The following COL24A1 variants were observed in gnomAD, a reference collection of about 807,000 sequenced individuals.
COL24A1 encodes the protein collagen alpha-1(XXIV) chain.
A neutral mutation model predicts 253.9 loss-of-function variants in COL24A1; 224 were observed. That is an observed-to-expected ratio of 0.88 (90% CI 0.79 to 0.99). The LOEUF is 0.99. COL24A1 is among the 50% of genes least tolerant of loss of function. COL24A1 has a pLI of 0.00. For missense variants in COL24A1, 2,131 were observed against 2,068.5 expected, an observed-to-expected ratio of 1.03 and a Z score of -0.59; for synonymous variants, 685 against 673.7, an observed-to-expected ratio of 1.02 and a Z score of -0.26.
chr1:86,134,331 T>C (rs576781326), intron 2 of COL24A1, among the ~76,000 whole-genome samples: 1 of 152,198 alleles, frequency 6.6e-6, no homozygotes, highest in Non-Finnish European at 1.5e-5. Flanking sequence ...TTGAAGGTTT[T>C]TTGTGTCTCC....
intron 57 of COL24A1, among the ~76,000 whole-genome samples, chr1:85,743,784 T>C (rs1041571122): frequency 2.6e-5 from 4 of 152,174 alleles, no homozygotes; most frequent in African/African-American, 9.6e-5. Flanking sequence ...TATATTAATC[T>C]AGGGCAGAAA....
At chr1:85,731,297 T>C (rs1450230173) in intron 59 of COL24A1, among the ~76,000 whole-genome samples, 1 of 152,164 alleles carries the variant, frequency 6.6e-6, no homozygotes, top group Admixed American at 6.6e-5. Context: ...GTGATTAAGA[T>C]TCAACCAGAC....
intron 43 of COL24A1, among the ~76,000 whole-genome samples, chr1:85,837,104 T>C (rs566555012): frequency 6.6e-6 from 1 of 152,342 alleles, no homozygotes; most frequent in African/African-American, 2.4e-5. Flanking sequence ...TCTCAAATTA[T>C]GCTGGAAGCA....
Position 85,861,605 on chromosome 1 carries a change from T to A in COL24A1, c.3300+6914A>T, listed in dbSNP as rs116550332. 2.4e-3 allele frequency among the ~76,000 whole-genome samples: 366 copies of A among 152,338 alleles called. 4 individuals carry two copies. Among genetic ancestry groups the A allele is most frequent in the African/African-American group, 8.5e-3 (354 of 41,580 alleles). ...AAGGGTTCAACTTTATTCTTTTGCATGTGGTTATCCAGTTGTTCCAGCACT... is the reference window on the plus strand; with the variant it reads ...AAGGGTTCAACTTTATTCTTTTGCAAGTGGTTATCCAGTTGTTCCAGCACT... On this transcript the variant is annotated intron_variant, in intron 37 of 59. Transcript: ENST00000370571.
At chr1:86,147,295 C>T (rs1474326600) in intron 1 of COL24A1, among the ~76,000 whole-genome samples, 4 of 152,260 alleles carry the variant, frequency 2.6e-5, no homozygotes, top group Admixed American at 1.3e-4. Context: ...TATAATTCGA[C>T]TATTTATAAT....
chr1:85,943,926 A>AT (rs1202758872), intron 24 of COL24A1, among the ~76,000 whole-genome samples: 2 of 152,172 alleles, frequency 1.3e-5, no homozygotes, highest in Non-Finnish European at 2.9e-5. Flanking sequence ...CATTTTACGC[A>AT]TTTTTTTGCA....
intron 16 of COL24A1, 93 bp from the exon 17 acceptor site, chr1:86,022,684 T>G: frequency 7.2e-7 from 1 of 1,389,052 alleles, no homozygotes; most frequent in South Asian, 1.4e-5. Context: ...GAATAATTTC[T>G]CTATTTTTCT....
intron 43 of COL24A1, among the ~76,000 whole-genome samples, chr1:85,829,870 T>A (rs930582122): frequency 2.0e-5 from 3 of 152,066 alleles, no homozygotes; most frequent in Admixed American, 1.3e-4. Flanking sequence ...TGGTTTGAAT[T>A]TCCTCCCATA....
chr1:85,964,566 T>C (rs1211184288), intron 23 of COL24A1, among the ~76,000 whole-genome samples: 4 of 152,116 alleles, frequency 2.6e-5, no homozygotes, highest in South Asian at 2.1e-4. Flanking sequence ...TAGATATAGA[T>C]ACAGATACAG....
intron 20 of COL24A1, among the ~76,000 whole-genome samples, chr1:85,973,262 C>T (rs940716687): frequency 6.6e-5 from 10 of 152,094 alleles, no homozygotes; most frequent in African/African-American, 2.2e-4. Context: ...GCTCAATTAA[C>T]AGCACAATAT....
At chr1:86,098,413 T>G (rs1383804082) in intron 5 of COL24A1, among the ~76,000 whole-genome samples, 1 of 27,344 alleles carries the variant, frequency 3.7e-5, no homozygotes, top group African/African-American at 6.3e-5. Context: ...GGATATAGAT[T>G]TTTCATCCTT....
rs1378654249 is a variant in COL24A1 at position 86,124,871 on chromosome 1, C to T, written c.1465G>A (p.Gly489Arg). The change falls in exon 3 of 60, where the codon GGG (glycine) becomes AGG (arginine). Residue 489 changes from glycine to arginine, a missense_variant. By Grantham distance (125) the Gly-to-Arg change is moderately radical (BLOSUM62 -2). Coordinates refer to ENST00000370571, the MANE Select transcript of COL24A1 (RefSeq NM_152890.7). ...GGAGGTCCAGTGTCTCCTTTTGGCC[C>T]TCTCAGATACTCCATTTCAAGCATT... ...NTMLEMEYLR[G>R]PKGDTGPPGP... The T allele has an allele frequency of 3.8e-6, 6 of 1,576,208 alleles. No homozygotes were observed. In the African/African-American group the frequency reaches 6.9e-5, roughly 18 times the overall value.
intron 19 of COL24A1, among the ~76,000 whole-genome samples, chr1:86,000,648 C>T (rs1007528856): frequency 2.6e-5 from 4 of 152,182 alleles, no homozygotes; most frequent in Non-Finnish European, 5.9e-5. Flanking sequence ...CATGCTTTTA[C>T]TTGATATAGC....
At chr1:85,873,925 T>C (rs1199754600) in intron 35 of COL24A1, among the ~76,000 whole-genome samples, 1 of 152,114 alleles carries the variant, frequency 6.6e-6, no homozygotes, top group Non-Finnish European at 1.5e-5. Context: ...GCTATTAAAG[T>C]AGGACTGGCT....
rs763938373 is a variant in COL24A1, at chr1:85,841,229, C to T, written c.3620G>A (p.Gly1207Asp). ...STVLGPPGPR[G>D]EPGPVGDQGE... ...TTTCAGAAAAAGACCTACTGGTTCA[C>T]CTCGAGGCCCAGGTGGTCCTAGGAC... is the stretch of plus-strand genomic sequence containing the variant. The change falls in exon 42 of 60, where the codon GGT becomes GAT. Residue 1207 changes from glycine (G) to aspartate (D), a missense_variant. Transcript: ENST00000370571. 1 of 1,602,814 alleles carries T rather than the reference C, an allele frequency of 6.2e-7. No individual in the cohort carries two copies. Among genetic ancestry groups the T allele is most frequent in the South Asian group, 1.1e-5 (1 of 88,796 alleles).
At chr1:85,787,977 A>G (rs1335169035) in intron 47 of COL24A1, among the ~76,000 whole-genome samples, 2 of 152,216 alleles carry the variant, frequency 1.3e-5, no homozygotes, top group East Asian at 3.8e-4. Flanking sequence ...TTTCTCTAAT[A>G]ATCAATGATG....
intron 24 of COL24A1, among the ~76,000 whole-genome samples, chr1:85,958,623 C>T (rs1690717832): frequency 6.6e-6 from 1 of 152,134 alleles, no homozygotes; most frequent in Non-Finnish European, 1.5e-5. Flanking sequence ...TTCTTGCCTA[C>T]ATTAAACCAA....
In COL24A1 at chr1:85,730,326, T is replaced by A. The variant is rs1269703362; in HGVS notation, c.*220A>T. On this transcript the variant is annotated 3_prime_UTR_variant, in exon 60 of 60. Coordinates refer to ENST00000370571, the MANE Select transcript of COL24A1 (RefSeq NM_152890.7). ...AGGGAATTCTCTAAGAAAGCTGAGA[T>A]GAATATAATTTTTAAAAGAATTAAA... 2.7e-6 allele frequency: 1 copy of A among 373,560 alleles called. No homozygotes were observed. The highest frequency in any genetic ancestry group is 4.1e-5 in the Admixed American group (1 of 24,274). The allele number at this position is 373,560 out of a possible 1,614,324, so 23.1% of individuals were successfully genotyped here.
At chr1:85,796,573 A>G (rs1570651254) in intron 47 of COL24A1, among the ~76,000 whole-genome samples, 1 of 152,234 alleles carries the variant, frequency 6.6e-6, no homozygotes, top group Non-Finnish European at 1.5e-5. Flanking sequence ...CCCTGTGAAC[A>G]CACCAAACTC....
Sources: allele counts gnomAD v4.1 joint callset (sites outside exome capture counted in the v4.1 genomes callset), GRCh38; gene constraint gnomAD v4.1.1; transcripts MANE v1.5; gene names NCBI Gene and HGNC (gene_info 2026-07-23, HGNC 2026-07-21).